The following SPATA21 variants were observed in gnomAD, a reference collection of about 807,000 sequenced individuals.
SPATA21 encodes the protein spermatogenesis-associated protein 21.
Under a neutral mutation model 54.8 loss-of-function variants are expected in SPATA21, and 47 were observed. That is an observed-to-expected ratio of 0.86 (90% confidence interval 0.68 to 1.09). The LOEUF (loss-of-function observed/expected upper bound fraction) is 1.09, where lower values mean the gene tolerates loss of function less well. SPATA21 is among the 50% of genes least tolerant of loss of function. The pLI is 0.00. For synonymous variants in SPATA21, 245 were observed against 235.3 expected, an observed-to-expected ratio of 1.04 and a Z score of -0.38; for missense variants, 599 against 596.4, an observed-to-expected ratio of 1.00 and a Z score of -0.05.
intron 3 of SPATA21, among the ~76,000 whole-genome samples, chr1:16,423,140 G>C (rs1183109602): frequency 6.6e-6 from 1 of 151,550 alleles, no homozygotes; most frequent in Admixed American, 6.6e-5. Context: ...CTGGGCGACA[G>C]AGTGAGACTC....
At chr1:16,416,949 C>T (rs2086026238) in intron 5 of SPATA21, among the ~76,000 whole-genome samples, 1 of 152,168 alleles carries the variant, frequency 6.6e-6, no homozygotes, top group Non-Finnish European at 1.5e-5. Flanking sequence ...CACAGTGGAT[C>T]CTAGGCTTCT....
intron 1 of SPATA21, among the ~76,000 whole-genome samples, chr1:16,436,424 A>G (rs1204664203): frequency 1.3e-5 from 2 of 150,910 alleles, no homozygotes; most frequent in East Asian, 1.9e-4. Flanking sequence ...GGTGCAGTGT[A>G]TACTGCTCAG....
intron 3 of SPATA21, chr1:16,425,495 T>C: frequency 1.9e-6 from 3 of 1,546,338 alleles, no homozygotes; most frequent in Non-Finnish European, 2.6e-6. Flanking sequence ...GGTCATTCCA[T>C]ACCCTTCTCC....
At chr1:16,415,064 C>T (rs1459770426) in intron 5 of SPATA21, among the ~76,000 whole-genome samples, 4 of 152,080 alleles carry the variant, frequency 2.6e-5, no homozygotes, top group African/African-American at 9.7e-5. Context: ...GGGCCAGGCG[C>T]AGTGGCTCAT....
chr1:16,401,115 C>T (rs2085433682), intron 10 of SPATA21, among the ~76,000 whole-genome samples: 1 of 152,214 alleles, frequency 6.6e-6, no homozygotes, highest in African/African-American at 2.4e-5. Flanking sequence ...GGGGTTCTCT[C>T]TACCCTGTCA....
intron 5 of SPATA21, among the ~76,000 whole-genome samples, chr1:16,415,567 A>C (rs943233993): frequency 5.9e-5 from 9 of 151,816 alleles, no homozygotes; most frequent in African/African-American, 1.9e-4. Context: ...TATTATTATT[A>C]TTCTTTTTTA....
At chr1:16,433,938 C>T (rs960900989) in intron 1 of SPATA21, among the ~76,000 whole-genome samples, 1 of 152,182 alleles carries the variant, frequency 6.6e-6, no homozygotes, top group Non-Finnish European at 1.5e-5. Context: ...GTACCACCCT[C>T]GCCCTAATTC....
At chr1:16,416,625 C>T (rs1390099636) in intron 5 of SPATA21, among the ~76,000 whole-genome samples, 1 of 150,308 alleles carries the variant, frequency 6.7e-6, no homozygotes, top group African/African-American at 2.5e-5. Flanking sequence ...TTGCAGTGAG[C>T]TGAGATCACA....
Position 16,405,049 on chromosome 1 carries a change from G to A in SPATA21, c.729C>T (p.Ser243=). 1 of 1,610,090 alleles carries A rather than the reference G, an allele frequency of 6.2e-7. No individual in the cohort carries two copies. Residue 243 remains serine, a synonymous_variant, in exon 8 of 13, where the codon AGC becomes AGT. Transcript: ENST00000335496. ...CCATTAGGAGCAGGATATTCTTCAG[G>A]CTCTGTGCATCCACCTCACCAGGAC... ...FNGPGEVDAQ[S]LKNILLLMGF...
In SPATA21 at chr1:16,409,505, G is replaced by A; in HGVS notation, c.587+96C>T. On this transcript the variant is annotated intron_variant, in intron 6 of 12. Transcript: ENST00000335496. This position sits in a 1 kb window ranked among gnomAD's most constrained non-coding sequence, Gnocchi z 4.1. ...AATGGAGAGAGGGGGACACACGAGG[G>A]AACAGGCAGGTGCAGGGACAGGGAC... 7.7e-7 allele frequency: 1 copy of A among 1,297,938 alleles called. No individual in the cohort carries two copies. Among genetic ancestry groups the A allele is most frequent in the South Asian group, 1.4e-5 (1 of 71,112 alleles). The allele number at this position is 1,297,938 out of a possible 1,614,324, so 80.4% of individuals were successfully genotyped here. A position where few individuals can be genotyped will look rare whatever the true frequency, so the allele number is the denominator to read the frequency against.
At chr1:16,426,577 A>T (rs1278502505) in intron 3 of SPATA21, among the ~76,000 whole-genome samples, 115 of 111,096 alleles carry the variant, frequency 1.0e-3, no homozygotes, top group African/African-American at 3.6e-3. Context: ...ATATATATAT[A>T]TATTTTTTTT....
intron 5 of SPATA21, among the ~76,000 whole-genome samples, chr1:16,416,680 CAAA>C (rs71574184): frequency 7.7e-5 from 10 of 130,252 alleles, no homozygotes; most frequent in Non-Finnish European, 9.8e-5. Context: ...GACTCCATCT[CAAA>C]AAAAAAAAAA....
chr1:16,432,067 C>T (rs887195294), intron 2 of SPATA21, among the ~76,000 whole-genome samples: 1 of 151,908 alleles, frequency 6.6e-6, no homozygotes, highest in African/African-American at 2.4e-5. Context: ...ACACCCTGCC[C>T]TGGACACATC....
At chr1:16,398,150 T>G, downstream of SPATA21, 1 of 377,478 alleles carries the variant, frequency 2.6e-6, no homozygotes, top group Non-Finnish European at 3.7e-6. Flanking sequence ...TTGTCAGATC[T>G]TTGTCCTCAT....
chr1:16,426,581 T>TA (rs1341237564), intron 3 of SPATA21, among the ~76,000 whole-genome samples: 2,651 of 67,324 alleles, frequency 0.039, 16 homozygotes, highest in African/African-American at 0.053. Flanking sequence ...ATATATATAT[T>TA]TTTTTTTTTT....
chr1:16,423,015 C>T (rs561536323), intron 3 of SPATA21, among the ~76,000 whole-genome samples: 32 of 151,230 alleles, frequency 2.1e-4, no homozygotes, highest in Admixed American at 3.3e-4. Context: ...AAATTAGCTA[C>T]GCATGGTGGC....
rs1328461426 is a variant in SPATA21, at chr1:16,424,296, G to A, written c.35-2325C>T. On this transcript the variant is annotated intron_variant, in intron 3 of 12. Coordinates refer to ENST00000335496, the MANE Select transcript of SPATA21 (RefSeq NM_198546.1). ...CCACTGCACTCCAGCCTGGGCGACA[G>A]AGCAAGACTGTCTCAAAAAAAAAAA... Among the ~76,000 whole-genome samples, 5 of 130,146 alleles carry A rather than the reference G, an allele frequency of 3.8e-5. No homozygotes were observed. In the East Asian group the frequency reaches 1.1e-3, roughly 28 times the overall value. 85.4% of individuals were successfully genotyped at this position (130,146 alleles called of 152,430 possible).
At chr1:16,401,259 C>T (rs1435408680) in intron 10 of SPATA21, among the ~76,000 whole-genome samples, 1 of 152,206 alleles carries the variant, frequency 6.6e-6, no homozygotes, top group Non-Finnish European at 1.5e-5. Context: ...GTGTCTGGCA[C>T]ACGGAAAATG....
intron 2 of SPATA21, 53 bp from the exon 3 acceptor site, chr1:16,431,475 C>T (rs1213305179): frequency 3.3e-6 from 5 of 1,525,258 alleles, no homozygotes; most frequent in Non-Finnish European, 4.4e-6. Flanking sequence ...CTAACTGCTG[C>T]TTCAGGAGCC....
Sources: gnomAD v4.1 joint callset for allele counts (sites outside exome capture counted in the v4.1 genomes callset) on GRCh38, gnomAD v4.1.1 for gene constraint, Gnocchi (gnomAD v3.1) non-coding constraint, MANE v1.5 for transcripts, NCBI Gene and HGNC (gene_info 2026-07-23, HGNC 2026-07-21) for gene names.